CHST9: variants seen among roughly 807,000 people sequenced by gnomAD.
CHST9 encodes the protein GalNAc-4-sulfotransferase 2.
In CHST9, 41 loss-of-function variants were observed where a neutral mutation model predicts 44.4. That is an observed-to-expected ratio of 0.92 (90% CI 0.72 to 1.20). The LOEUF is 1.20. Ranked by LOEUF, CHST9 falls within the 50% of genes most tolerant of loss-of-function variation. CHST9 has a pLI of 0.00. For synonymous variants in CHST9, 171 were observed against 178.4 expected, an observed-to-expected ratio of 0.96 and a Z score of 0.33; for missense variants, 504 against 516.5, an observed-to-expected ratio of 0.98 and a Z score of 0.23.
chr18:27,124,389 A>G (rs1342342010), intron 2 of CHST9, among the ~76,000 whole-genome samples: 1 of 152,230 alleles, frequency 6.6e-6, no homozygotes, highest in Non-Finnish European at 1.5e-5. Context: ...GACTTATGCT[A>G]TTTAAATATC....
intron 1 of CHST9, among the ~76,000 whole-genome samples, chr18:27,160,820 G>A (rs1250865752): frequency 6.6e-6 from 1 of 152,014 alleles, no homozygotes; most frequent in Non-Finnish European, 1.5e-5. Context: ...GATTCAACTT[G>A]TTCCTGGTTT....
intron 4 of CHST9, among the ~76,000 whole-genome samples, chr18:26,946,171 T>C (rs2056159660): frequency 1.3e-5 from 2 of 152,064 alleles, no homozygotes; most frequent in Admixed American, 1.3e-4. Context: ...ATATGCGGAG[T>C]GTTTAAAGAA....
At chr18:26,949,468 C>T (rs900935679) in intron 4 of CHST9, among the ~76,000 whole-genome samples, 7 of 151,608 alleles carry the variant, frequency 4.6e-5, no homozygotes, top group African/African-American at 1.7e-4. Flanking sequence ...TTGCTTGAGC[C>T]CTTGAATTCA....
chr18:27,038,312 G>A (rs2057410403), intron 3 of CHST9, among the ~76,000 whole-genome samples: 1 of 152,194 alleles, frequency 6.6e-6, no homozygotes, highest in African/African-American at 2.4e-5. Flanking sequence ...TTGGGAGGCT[G>A]AGGTGGGCAG....
At chr18:27,039,043 C>T (rs2057418493) in intron 3 of CHST9, among the ~76,000 whole-genome samples, 1 of 152,042 alleles carries the variant, frequency 6.6e-6, no homozygotes, top group Non-Finnish European at 1.5e-5. Context: ...ACAACAGCAA[C>T]AACAAAAAAT....
chr18:27,042,944 C>A (rs928121051), intron 3 of CHST9, among the ~76,000 whole-genome samples: 1 of 152,070 alleles, frequency 6.6e-6, no homozygotes, highest in African/African-American at 2.4e-5. Context: ...AGCATAATTT[C>A]TCTGTGGTGA....
At chr18:27,100,769 A>G (rs1410654498) in intron 2 of CHST9, among the ~76,000 whole-genome samples, 1 of 152,238 alleles carries the variant, frequency 6.6e-6, no homozygotes, top group African/African-American at 2.4e-5. Flanking sequence ...TGATAAGAAA[A>G]TCAATGTAGT....
intron 4 of CHST9, among the ~76,000 whole-genome samples, chr18:27,000,095 T>G (rs560871506): frequency 7.9e-5 from 12 of 152,276 alleles, no homozygotes; most frequent in African/African-American, 2.9e-4. Context: ...CTTTTTTCAT[T>G]TTGGGGAACA....
At chr18:26,996,182 A>C (rs2056885914) in intron 4 of CHST9, among the ~76,000 whole-genome samples, 1 of 152,210 alleles carries the variant, frequency 6.6e-6, no homozygotes, top group Admixed American at 6.5e-5. Context: ...GTAGTCCGTC[A>C]TGCACCATTC....
chr18:27,109,820 A>C (rs746400232), intron 2 of CHST9, among the ~76,000 whole-genome samples: 4 of 152,054 alleles, frequency 2.6e-5, no homozygotes, highest in Non-Finnish European at 5.9e-5. Flanking sequence ...TGAGTTTGAC[A>C]GTCTGATGTT....
intron 4 of CHST9, among the ~76,000 whole-genome samples, chr18:26,973,931 T>A (rs1252147340): frequency 6.6e-6 from 1 of 152,202 alleles, no homozygotes; most frequent in African/African-American, 2.4e-5. Context: ...TAGATCCTCA[T>A]TAAAAATAAA....
In CHST9 at chr18:26,916,316, GATTA is replaced by G. The variant is rs758764758; in HGVS notation, c.1271_1274del (p.Leu424SerfsTer10). On this transcript the variant is annotated frameshift_variant, in exon 6 of 6. Coordinates refer to ENST00000618847, the MANE Select transcript of CHST9 (RefSeq NM_031422.6). LOFTEE classifies it high-confidence loss of function. ...AATAGTCCAAGTAATAAAAGTCATA[GATTA>G]ATTGTCTCTCAGTTCTAGTCAGATC... 6.2e-6 allele frequency: 10 copies of G among 1,606,568 alleles called. No individual in the cohort carries two copies. Among genetic ancestry groups the G allele is most frequent in the Non-Finnish European group, 8.5e-6 (10 of 1,173,690 alleles).
chr18:26,907,816 A>T lies in CHST9; in HGVS notation c.*8443T>A, dbSNP rs190819110. ...AGGCCAGGCAATGAGAATGGAATAC[A>T]ATTCAGCCTTGAAAAGAAAAAAATT... On this transcript the variant is annotated 3_prime_UTR_variant, in exon 6 of 6. Transcript: ENST00000618847. 2.5e-3 allele frequency: 404 copies of T among 164,528 alleles called. No individual in the cohort carries two copies. Among genetic ancestry groups the T allele is most frequent in the South Asian group, 6.3e-3 (35 of 5,562 alleles). The allele number at this position is 164,528 out of a possible 1,614,324, so 10.2% of individuals were successfully genotyped here. A position where few individuals can be genotyped will look rare whatever the true frequency, so the allele number is the denominator to read the frequency against.
chr18:27,050,123 C>G (rs1228661564), intron 2 of CHST9, among the ~76,000 whole-genome samples: 1 of 152,248 alleles, frequency 6.6e-6, no homozygotes. Flanking sequence ...ACAAGAGAGA[C>G]TGCGAGGGTT....
intron 4 of CHST9, among the ~76,000 whole-genome samples, chr18:27,007,889 G>A (rs1270413970): frequency 6.6e-6 from 1 of 152,208 alleles, no homozygotes; most frequent in Non-Finnish European, 1.5e-5. Context: ...GAAAAGAGCT[G>A]TATCTGGAAA....
chr18:26,924,376 A>G (rs746895789), intron 5 of CHST9, among the ~76,000 whole-genome samples: 1 of 152,058 alleles, frequency 6.6e-6, no homozygotes, highest in African/African-American at 2.4e-5. Flanking sequence ...GGCATTCACT[A>G]TCTTCGATTT....
intron 2 of CHST9, among the ~76,000 whole-genome samples, chr18:27,064,476 C>G (rs181674658): frequency 6.6e-6 from 1 of 152,180 alleles, no homozygotes; most frequent in African/African-American, 2.4e-5. Context: ...GCAAAAATGG[C>G]AAGGCTAGCT....
At chr18:26,941,351 A>AT (rs779074869) in intron 5 of CHST9, among the ~76,000 whole-genome samples, 15 of 152,190 alleles carry the variant, frequency 9.9e-5, no homozygotes, top group Non-Finnish European at 1.9e-4. Flanking sequence ...AAGGGTTTCA[A>AT]TTATCTGCTA....
intron 2 of CHST9, among the ~76,000 whole-genome samples, chr18:27,074,860 A>G (rs553748370): frequency 6.8e-6 from 1 of 148,014 alleles, no homozygotes; most frequent in Non-Finnish European, 1.5e-5. Context: ...TATATGATAT[A>G]TAGTTTATGT....
Sources: allele counts gnomAD v4.1 joint callset (sites outside exome capture counted in the v4.1 genomes callset), GRCh38; gene constraint gnomAD v4.1.1; transcripts MANE v1.5; gene names NCBI Gene and HGNC (gene_info 2026-07-23, HGNC 2026-07-21).